PRRC2C: variants seen among roughly 807,000 people sequenced by gnomAD.
PRRC2C encodes the protein proline rich coiled-coil 2C.
PRRC2C carries 72 observed loss-of-function variants against 317.2 expected under a neutral mutation model. The observed-to-expected ratio is 0.23, with a 90% CI of 0.19 to 0.28. The LOEUF is 0.28. PRRC2C is among the 10% of genes least tolerant of loss of function. The probability of loss-of-function intolerance (pLI) is 1.00; values close to 1 mark genes in which losing one functional copy is unlikely to be tolerated. For synonymous variants in PRRC2C, 1,296 were observed against 1,205.9 expected, an observed-to-expected ratio of 1.07 and a Z score of -1.55; for missense variants, 3,074 against 3,459.7, an observed-to-expected ratio of 0.89 and a Z score of 2.80.
Position 171,591,876 on chromosome 1 carries a change from AGGGGGGC to A in PRRC2C, c.*33_*39del. On this transcript the variant is annotated 3_prime_UTR_variant, in exon 35 of 35. Transcript: ENST00000647382. Reference sequence around the variant, plus strand: ...CTATGGTTTATTGCAGGGGATTGGGAGGGGGGCGGGAAAACATGGAGAATTAAGTCAG... The same window carrying A: ...CTATGGTTTATTGCAGGGGATTGGGAGGGAAAACATGGAGAATTAAGTCAG... The A allele has an allele frequency of 4.9e-6, 3 of 616,312 alleles. No individual in the cohort carries two copies. The highest frequency in any genetic ancestry group is 7.9e-6 in the Non-Finnish European group (3 of 381,324). The allele number at this position is 616,312 out of a possible 1,614,324, so 38.2% of individuals were successfully genotyped here. A position where few individuals can be genotyped will look rare whatever the true frequency, so the allele number is the denominator to read the frequency against.
In PRRC2C at chr1:171,559,027, G is replaced by A. The variant is rs1043355129; in HGVS notation, c.6031+884G>A. Among the ~76,000 whole-genome samples, 7 of 152,340 alleles carry A rather than the reference G, an allele frequency of 4.6e-5. No homozygotes were observed. In the South Asian group the frequency reaches 1.4e-3, roughly 32 times the overall value. On this transcript the variant is annotated intron_variant, in intron 19 of 34. Coordinates refer to ENST00000647382, the MANE Select transcript of PRRC2C (RefSeq NM_001387844.1). ...TAACCCAAAGCCTAATCCAAAGCAA[G>A]TGTTCTATCTCTATTCAATTCTGTG... is the stretch of plus-strand genomic sequence containing the variant.
chr1:171,548,992 C>T (rs1356007016), intron 17 of PRRC2C, among the ~76,000 whole-genome samples: 4 of 152,120 alleles, frequency 2.6e-5, no homozygotes, highest in Non-Finnish European at 5.9e-5. Context: ...GCTGGGACCA[C>T]AGGCATGCGC....
At chr1:171,525,018 T>C in intron 10 of PRRC2C, 53 bp downstream of exon 10, 1 of 1,427,542 alleles carries the variant, frequency 7.0e-7, no homozygotes. Flanking sequence ...CTTATTGTAA[T>C]TACTGTGTAA....
chr1:171,509,029 G>T (rs1184395102), intron 1 of PRRC2C, among the ~76,000 whole-genome samples: 2 of 152,062 alleles, frequency 1.3e-5, no homozygotes, highest in African/African-American at 2.4e-5. Flanking sequence ...TGGGACTACA[G>T]GCACCTGCCA....
chr1:171,504,795 C>G (rs1669864346), intron 1 of PRRC2C, among the ~76,000 whole-genome samples: 1 of 152,066 alleles, frequency 6.6e-6, no homozygotes, highest in South Asian at 2.1e-4. Context: ...ATTTTAGAAT[C>G]AGCTTGACAA....
In PRRC2C at chr1:171,541,987, C is replaced by T. The variant is rs1678028003; in HGVS notation, c.4521C>T (p.Phe1507=). 1.2e-6 allele frequency: 2 copies of T among 1,613,292 alleles called. No individual in the cohort carries two copies. Among genetic ancestry groups the T allele is most frequent in the East Asian group, 4.5e-5 (2 of 44,852 alleles). The change falls in exon 16 of 35, where the codon TTC becomes TTT. Residue 1507 remains phenylalanine, a synonymous_variant. Transcript: ENST00000647382. This position sits in a 1 kb window ranked among gnomAD's most constrained non-coding sequence, Gnocchi z 4.1. The part of the protein sequence containing the change: ...EWETASESSD[F]NERRERDEKK... ...AAACAGCTTCTGAAAGCAGTGATTT[C>T]AATGAGAGGCGAGAGAGGGATGAAA...
Position 171,557,731 on chromosome 1 carries a change from T to C in PRRC2C, c.5619T>C (p.Thr1873=), listed in dbSNP as rs1332100438. The C allele has an allele frequency of 3.2e-6, 5 of 1,551,198 alleles. No individual in the cohort carries two copies. The Admixed American group carries it at 7.9e-5, about 24-fold the overall frequency. ...IPILASALAS[T]SAPTPAPAAS... ...TTCTTGCTTCAGCCCTAGCATCAAC[T>C]TCAGCTCCAACGCCAGCCCCAGCAG... The change falls in exon 19 of 35, where the codon ACT becomes ACC. Residue 1873 remains threonine, a synonymous_variant. Transcript: ENST00000647382.
At position 171,535,527 on chromosome 1, in the gene PRRC2C, G is replaced by A. The variant is rs1202442816; in HGVS notation, c.1973G>A (p.Arg658Gln). The A allele has an allele frequency of 1.1e-5, 18 of 1,613,856 alleles. No individual in the cohort carries two copies. The Admixed American group carries it at 2.7e-4, about 24-fold the overall frequency. The stretch of plus-strand genomic sequence containing the variant: ...GAACCAGAATCAGGGTCTCAACCTC[G>A]GCCGGCTGTATTATCTGGCTATTTC... ...ETEPESGSQP[R>Q]PAVLSGYFKQ... The change falls in exon 13 of 35, where the codon CGG becomes CAG. Residue 658 changes from arginine to glutamine, a missense_variant. Physicochemically the swap from Arg to Gln is conservative, Grantham distance 43 (BLOSUM62 1). Transcript: ENST00000647382.
Position 171,541,865 on chromosome 1 carries a change from G to T in PRRC2C, c.4399G>T (p.Ala1467Ser). 6.2e-7 allele frequency: 1 copy of T among 1,613,812 alleles called. No homozygotes were observed. The highest frequency in any genetic ancestry group is 8.5e-7 in the Non-Finnish European group (1 of 1,179,866). Residue 1467 changes from alanine (A) to serine (S), a missense_variant, in exon 16 of 35, where the codon GCT becomes TCT. Physicochemically the swap from Ala to Ser is moderately conservative, Grantham distance 99. Transcript: ENST00000647382. The surrounding 1 kb of genome is among the most constrained non-coding windows in gnomAD (Gnocchi z 4.1). ...CACAAATGGCACAGTTAATAATGTGGCTCAAGAACCAGTTAATACTCTTGG... is the reference window on the plus strand; with the variant it reads ...CACAAATGGCACAGTTAATAATGTGTCTCAAGAACCAGTTAATACTCTTGG... Reference protein sequence around the residue: ...VPTNGTVNNVAQEPVNTLGDI... With the variant: ...VPTNGTVNNVSQEPVNTLGDI...
chr1:171,568,222 T>A (rs759911259), intron 22 of PRRC2C, 25 bp from the exon 23 acceptor site: 6 of 1,553,396 alleles, frequency 3.9e-6, no homozygotes, highest in African/African-American at 1.4e-5. Flanking sequence ...TTAAAATGTA[T>A]TTTTTTTCTA....
At chr1:171,590,326 G>C (rs1651148797) in intron 34 of PRRC2C, among the ~76,000 whole-genome samples, 1 of 152,176 alleles carries the variant, frequency 6.6e-6, no homozygotes, top group Admixed American at 6.5e-5. Flanking sequence ...AGGAGTCTGT[G>C]TGGGGACAGT....
At position 171,589,474 on chromosome 1, in the gene PRRC2C, C is replaced by T; in HGVS notation, c.8305C>T (p.Pro2769Ser). The T allele has an allele frequency of 3.1e-6, 4 of 1,289,794 alleles. No homozygotes were observed. Among genetic ancestry groups the T allele is most frequent in the Non-Finnish European group, 4.0e-6 (4 of 988,850 alleles). 79.9% of individuals were successfully genotyped at this position (1,289,794 alleles called of 1,614,324 possible). A position where few individuals can be genotyped will look rare whatever the true frequency, so the allele number is the denominator to read the frequency against. The change falls in exon 34 of 35, where the codon CCT becomes TCT. Residue 2769 changes from proline to serine, a missense_variant. This residue lies in a region of PRRC2C where 490 missense variants were observed against 663.1 expected (regional missense o/e 0.74). Coordinates refer to ENST00000647382, the MANE Select transcript of PRRC2C (RefSeq NM_001387844.1). ...RPPMALASQMPPPLTTGLMSH... is the reference protein window; with the variant it reads ...RPPMALASQMSPPLTTGLMSH... ...ACCAATGGCACTGGCCAGTCAGATG[C>T]CTCCTCCGCTGACCACAGGCCTCAT...
intron 11 of PRRC2C, among the ~76,000 whole-genome samples, chr1:171,529,629 G>T (rs1334611305): frequency 1.3e-5 from 2 of 152,140 alleles, no homozygotes. Flanking sequence ...ATTGGAGTGG[G>T]TTCTTGACAG....
At chr1:171,590,864 G>A (rs894817918) in intron 34 of PRRC2C, among the ~76,000 whole-genome samples, 1 of 152,144 alleles carries the variant, frequency 6.6e-6, no homozygotes, top group Admixed American at 6.5e-5. Context: ...TAGTAGTAAT[G>A]GGGTGGGAGA....
intron 14 of PRRC2C, 89 bp from the exon 15 acceptor site, chr1:171,537,174 T>G: frequency 9.9e-7 from 1 of 1,006,646 alleles, no homozygotes; most frequent in Non-Finnish European, 1.5e-6. Context: ...CACCTAACAA[T>G]TAATAACCTG....
intron 22 of PRRC2C, among the ~76,000 whole-genome samples, chr1:171,567,158 A>C (rs887761277): frequency 6.6e-6 from 1 of 152,240 alleles, no homozygotes; most frequent in Non-Finnish European, 1.5e-5. Context: ...ATAGAATTAC[A>C]GTAGAGCTTT....
chr1:171,519,701 T>G (rs1016594026), intron 6 of PRRC2C, among the ~76,000 whole-genome samples: 1 of 152,176 alleles, frequency 6.6e-6, no homozygotes, highest in Non-Finnish European at 1.5e-5. Flanking sequence ...GACTCATTAC[T>G]CTCATAGGAA....
intron 6 of PRRC2C, among the ~76,000 whole-genome samples, chr1:171,518,492 CA>C (rs1291000007): frequency 5.8e-5 from 4 of 68,394 alleles, no homozygotes; most frequent in East Asian, 1.0e-3. Flanking sequence ...AATTTTTTTT[CA>C]ATTTTTTTTT....
In PRRC2C at chr1:171,558,113, C is replaced by T. The variant is rs764970420; in HGVS notation, c.6001C>T (p.Pro2001Ser). Reference protein sequence around the residue: ...AELWDNKVAPPAVLNDISKKL... With the variant: ...AELWDNKVAPSAVLNDISKKL... ...ATTATGGGATAACAAGGTGGCCCCA[C>T]CAGCTGTGCTGAATGATATCTCTAA... is the stretch of plus-strand genomic sequence containing the variant. Residue 2001 changes from proline to serine, a missense_variant, in exon 19 of 35, where the codon CCA becomes TCA. Pro to Ser is a moderately conservative substitution (Grantham distance 74, BLOSUM62 -1). Around this residue, in one of 11 missense-constraint regions of PRRC2C, gnomAD observed 640 missense variants for 676.1 expected, o/e 0.95. Transcript: ENST00000647382. The T allele has an allele frequency of 6.2e-7, 1 of 1,613,254 alleles. No individual in the cohort carries two copies. Among genetic ancestry groups the T allele is most frequent in the Non-Finnish European group, 8.5e-7 (1 of 1,179,344 alleles).
Sources: gnomAD v4.1 joint callset for allele counts (sites outside exome capture counted in the v4.1 genomes callset) on GRCh38, gnomAD v4.1.1 for gene constraint, gnomAD v4.1.1 regional missense constraint, Gnocchi (gnomAD v3.1) non-coding constraint, MANE v1.5 for transcripts, NCBI Gene and HGNC (gene_info 2026-07-23, HGNC 2026-07-21) for gene names.